IMMP2L: variants seen among roughly 807,000 people sequenced by gnomAD.
IMMP2L encodes mitochondrial inner membrane protease subunit 2.
A neutral mutation model predicts 19.3 loss-of-function variants in IMMP2L; 18 were observed. That is an observed-to-expected ratio of 0.93 (90% CI 0.64 to 1.38). IMMP2L has a LOEUF of 1.38. Ranked by LOEUF, IMMP2L falls within the 40% of genes most tolerant of loss-of-function variation. The probability of loss-of-function intolerance (pLI) is 0.00; values close to 1 mark genes in which losing one functional copy is unlikely to be tolerated. For synonymous variants in IMMP2L, 76 were observed against 73.0 expected (o/e 1.04, Z -0.21); for missense variants, 233 against 218.2 (o/e 1.07, Z -0.43).
intron 4 of IMMP2L, among the ~76,000 whole-genome samples, chr7:110,928,987 T>C (rs1379296887): frequency 6.6e-6 from 1 of 152,158 alleles, no homozygotes; most frequent in Non-Finnish European, 1.5e-5. Flanking sequence ...ATTTGTATAT[T>C]GGACACCCTG....
At chr7:110,902,160 A>G (rs1811941564) in intron 4 of IMMP2L, among the ~76,000 whole-genome samples, 1 of 151,982 alleles carries the variant, frequency 6.6e-6, no homozygotes, top group African/African-American at 2.4e-5. Flanking sequence ...AATTTTAAGT[A>G]TGACAAAGCT....
chr7:111,432,982 C>T (rs896274740), intron 3 of IMMP2L, among the ~76,000 whole-genome samples: 1 of 151,284 alleles, frequency 6.6e-6, no homozygotes, highest in Admixed American at 6.6e-5. Context: ...AAAAACACAC[C>T]TGGGAATATA....
chr7:111,498,369 G>A (rs1035183180), intron 2 of IMMP2L, among the ~76,000 whole-genome samples: 3 of 152,022 alleles, frequency 2.0e-5, no homozygotes, highest in Admixed American at 6.6e-5. Context: ...ATATTAACCT[G>A]AAGACAGACT....
At chr7:110,713,143 C>T (rs1474399811) in intron 5 of IMMP2L, among the ~76,000 whole-genome samples, 1 of 152,014 alleles carries the variant, frequency 6.6e-6, no homozygotes, top group Admixed American at 6.6e-5. Context: ...CCAGTTACCC[C>T]AGCACCATTT....
At chr7:111,417,889 A>G (rs111816031) in intron 3 of IMMP2L, among the ~76,000 whole-genome samples, 1 of 151,850 alleles carries the variant, frequency 6.6e-6, no homozygotes, top group African/African-American at 2.4e-5. Flanking sequence ...CAAAGCCCAA[A>G]TCTGCAGCTG....
intron 4 of IMMP2L, among the ~76,000 whole-genome samples, chr7:110,906,891 G>A (rs561890938): frequency 3.5e-4 from 53 of 152,152 alleles, no homozygotes; most frequent in African/African-American, 1.1e-3. Context: ...ACCCCTTTGC[G>A]AGCCTTGCAA....
chr7:110,704,454 CTT>C (rs1275170026), intron 5 of IMMP2L, among the ~76,000 whole-genome samples: 1 of 152,194 alleles, frequency 6.6e-6, no homozygotes, highest in Non-Finnish European at 1.5e-5. Flanking sequence ...TTGTAGTTCT[CTT>C]GTCTTAATTG....
At chr7:111,127,995 A>G (rs923917033) in intron 3 of IMMP2L, among the ~76,000 whole-genome samples, 2 of 152,180 alleles carry the variant, frequency 1.3e-5, no homozygotes, top group Non-Finnish European at 2.9e-5. Flanking sequence ...GTTGGCAGAC[A>G]TATGCTAACC....
At chr7:111,042,819 ACT>A (rs1792027173) in intron 3 of IMMP2L, among the ~76,000 whole-genome samples, 1 of 151,892 alleles carries the variant, frequency 6.6e-6, no homozygotes, top group Admixed American at 6.6e-5. Context: ...TTCTTGACCC[ACT>A]CTCTGGTATT....
intron 3 of IMMP2L, among the ~76,000 whole-genome samples, chr7:111,296,646 A>G (rs1485517645): frequency 6.6e-6 from 1 of 152,018 alleles, no homozygotes; most frequent in Non-Finnish European, 1.5e-5. Context: ...AACAAAATTT[A>G]ACATACACTT....
intron 3 of IMMP2L, among the ~76,000 whole-genome samples, chr7:111,032,003 A>G (rs1790879982): frequency 7.1e-6 from 1 of 140,514 alleles, no homozygotes; most frequent in South Asian, 2.2e-4. Context: ...CAGTGGTGCG[A>G]CTTCAGCTCA....
chr7:111,495,650 C>T (rs1843525909), intron 2 of IMMP2L, among the ~76,000 whole-genome samples: 1 of 152,164 alleles, frequency 6.6e-6, no homozygotes, highest in Non-Finnish European at 1.5e-5. Flanking sequence ...TAAGCACAGT[C>T]ACAGTACACT....
In IMMP2L at chr7:111,487,341, G is replaced by A. The variant is rs781399428; in HGVS notation, c.136C>T (p.Pro46Ser). ...TGGCTCCCCCCAGGATTCAAAGAAG[G>A]CTAGAAAATAAGGAGAAAGAGACAC... is the stretch of plus-strand genomic sequence containing the variant. ...VARVEGASMQ[P>S]SLNPGGSQSS... Residue 46 changes from proline (P) to serine (S), a missense_variant and splice_region_variant, in exon 3 of 6, where the codon CCT (proline) becomes TCT (serine). Physicochemically the swap from Pro to Ser is moderately conservative, Grantham distance 74. Transcript: ENST00000405709. 14 of 1,577,160 alleles carry A rather than the reference G, an allele frequency of 8.9e-6. No individual in the cohort carries two copies. The African/African-American group carries it at 1.5e-4, about 17-fold the overall frequency.
At chr7:111,084,711 A>G (rs1449603223) in intron 3 of IMMP2L, among the ~76,000 whole-genome samples, 1 of 152,186 alleles carries the variant, frequency 6.6e-6, no homozygotes, top group African/African-American at 2.4e-5. Flanking sequence ...GATGTGCAAT[A>G]ACCAAATTGG....
chr7:111,062,344 A>T (rs1270314270), intron 3 of IMMP2L, among the ~76,000 whole-genome samples: 2 of 152,160 alleles, frequency 1.3e-5, no homozygotes, highest in Non-Finnish European at 2.9e-5. Context: ...AGAACAGCAC[A>T]GGAAAGACCC....
intron 5 of IMMP2L, among the ~76,000 whole-genome samples, chr7:110,836,225 C>T (rs1177856445): frequency 6.6e-6 from 1 of 152,126 alleles, no homozygotes; most frequent in Non-Finnish European, 1.5e-5. Flanking sequence ...CACTCAATTC[C>T]TACATTCCAG....
chr7:110,795,525 T>C (rs1800804638), intron 5 of IMMP2L, among the ~76,000 whole-genome samples: 2 of 152,088 alleles, frequency 1.3e-5, no homozygotes, highest in African/African-American at 4.8e-5. Context: ...TGCTTTTTAC[T>C]TAACAGCCCT....
chr7:111,087,920 G>A (rs1030495288), intron 3 of IMMP2L, among the ~76,000 whole-genome samples: 1 of 152,148 alleles, frequency 6.6e-6, no homozygotes, highest in Non-Finnish European at 1.5e-5. Context: ...CATATTAACT[G>A]TTTTAATGTT....
chr7:111,064,930 C>A (rs1020144294), intron 3 of IMMP2L, among the ~76,000 whole-genome samples: 14 of 152,150 alleles, frequency 9.2e-5, no homozygotes, highest in Non-Finnish European at 1.6e-4. Flanking sequence ...GAAACTACAA[C>A]AGGCCAATCC....
Sources: allele counts gnomAD v4.1 joint callset (sites outside exome capture counted in the v4.1 genomes callset), GRCh38; gene constraint gnomAD v4.1.1; transcripts MANE v1.5; gene names NCBI Gene and HGNC (gene_info 2026-07-23, HGNC 2026-07-21).